The following TFG variants were observed in gnomAD, a reference collection of about 807,000 sequenced individuals.
TFG encodes trafficking from ER to golgi regulator, also known as protein TFG.
Under a neutral mutation model 51.4 loss-of-function variants are expected in TFG, and 22 were observed. The ratio of observed to expected loss-of-function variants is 0.43; its 90% CI spans 0.31 to 0.61. The LOEUF is 0.61. Ranked by LOEUF, TFG falls within the 20% of genes least tolerant of loss-of-function variation. The pLI is 0.12. For synonymous variants in TFG, 187 were observed against 165.6 expected, an observed-to-expected ratio of 1.13 and a Z score of -0.99; for missense variants, 419 against 487.7, an observed-to-expected ratio of 0.86 and a Z score of 1.33.
At chr3:100,733,050 C>T (rs2095096320) in intron 5 of TFG, among the ~76,000 whole-genome samples, 1 of 152,248 alleles carries the variant, frequency 6.6e-6, no homozygotes, top group East Asian at 1.9e-4. Flanking sequence ...CTTATCTCCT[C>T]ATCTTAGAGA....
intron 6 of TFG, 162 bp from the exon 7 acceptor site, chr3:100,744,671 G>C (rs1415849551): frequency 2.0e-6 from 1 of 491,238 alleles, no homozygotes; most frequent in Admixed American, 3.7e-5. Flanking sequence ...TTCTAAAATG[G>C]TTCATTCTCT....
At chr3:100,744,799 T>C in intron 6 of TFG, 34 bp from the exon 7 acceptor site, 1 of 1,473,016 alleles carries the variant, frequency 6.8e-7, no homozygotes, top group Non-Finnish European at 9.5e-7. Flanking sequence ...TAAACATGCC[T>C]TTTTTCCTTG....
intron 5 of TFG, among the ~76,000 whole-genome samples, chr3:100,735,372 T>C (rs1214471668): frequency 6.6e-6 from 1 of 152,180 alleles, no homozygotes; most frequent in East Asian, 1.9e-4. Context: ...TATATGGAAC[T>C]TTCTGAGTAG....
intron 3 of TFG, among the ~76,000 whole-genome samples, chr3:100,726,398 G>C (rs7637272): frequency 0.72 from 102,281 of 142,574 alleles, 34,577 homozygotes; most frequent in South Asian, 0.85. Context: ...AAATGTCAGT[G>C]TCCTCTGGCA....
chr3:100,720,738 A>C (rs1432717969), intron 3 of TFG, among the ~76,000 whole-genome samples: 1 of 152,242 alleles, frequency 6.6e-6, no homozygotes, highest in Non-Finnish European at 1.5e-5. Context: ...TAAAGATTAA[A>C]AATAGTTCTG....
chr3:100,744,995 G>A (rs1302621024), intron 7 of TFG, 64 bp downstream of exon 7: 6 of 960,228 alleles, frequency 6.2e-6, no homozygotes, highest in African/African-American at 3.3e-5. Context: ...TAAACTTTAA[G>A]TTCTTAATTC....
intron 2 of TFG, among the ~76,000 whole-genome samples, chr3:100,718,411 A>G (rs578110879): frequency 2.0e-5 from 3 of 152,184 alleles, no homozygotes; most frequent in Admixed American, 6.5e-5. Context: ...TTTTTTTACA[A>G]TGTAAAAACC....
In TFG at chr3:100,713,660, A is replaced by G. The variant is rs1468923127; in HGVS notation, c.-26A>G. 2.6e-6 allele frequency: 4 copies of G among 1,524,740 alleles called. No homozygotes were observed. The highest frequency in any genetic ancestry group is 2.8e-5 in the African/African-American group (2 of 72,474). The allele number at this position is 1,524,740 out of a possible 1,614,324, so 94.5% of individuals were successfully genotyped here. A position where few individuals can be genotyped will look rare whatever the true frequency, so the allele number is the denominator to read the frequency against. On this transcript the variant is annotated 5_prime_UTR_variant, in exon 2 of 8. Coordinates refer to ENST00000240851, the MANE Select transcript of TFG (RefSeq NM_006070.6). ...TTTATCAGTCTTTCTCTAGAGTTGT[A>G]TATATAGAACATCCTGGAGTCCACC...
chr3:100,748,640 A>G lies in TFG; in HGVS notation c.*109A>G. Reference sequence around the variant, plus strand: ...AAGTTCAGAAATTTAAAAGCAGAGCATTTTTTATGATATCATTGTTGGTGT... The same window carrying G: ...AAGTTCAGAAATTTAAAAGCAGAGCGTTTTTTATGATATCATTGTTGGTGT... On this transcript the variant is annotated 3_prime_UTR_variant, in exon 8 of 8. Coordinates refer to ENST00000240851, the MANE Select transcript of TFG (RefSeq NM_006070.6). 8.5e-7 allele frequency: 1 copy of G among 1,181,400 alleles called. No individual in the cohort carries two copies. Among genetic ancestry groups the G allele is most frequent in the Non-Finnish European group, 1.2e-6 (1 of 867,608 alleles). 73.2% of individuals were successfully genotyped at this position (1,181,400 alleles called of 1,614,324 possible). A position where few individuals can be genotyped will look rare whatever the true frequency, so the allele number is the denominator to read the frequency against.
intron 6 of TFG, chr3:100,742,486 C>T (rs1034784949): frequency 6.6e-6 from 1 of 152,192 alleles, no homozygotes; most frequent in Non-Finnish European, 1.5e-5. Context: ...AAATCTATCC[C>T]ATCAGCTCAG....
chr3:100,726,115 G>T (rs2095075050), intron 3 of TFG, among the ~76,000 whole-genome samples: 1 of 152,140 alleles, frequency 6.6e-6, no homozygotes, highest in African/African-American at 2.4e-5. Flanking sequence ...AGCTGATAGT[G>T]CAGCCTTTGT....
rs538586137 is a variant in TFG at position 100,748,784 on chromosome 3, A to G, written c.*253A>G. 6 of 394,308 alleles carry G rather than the reference A, an allele frequency of 1.5e-5. No individual in the cohort carries two copies. Among genetic ancestry groups the G allele is most frequent in the African/African-American group, 4.1e-5 (2 of 49,238 alleles). The allele number at this position is 394,308 out of a possible 1,614,324, so 24.4% of individuals were successfully genotyped here. On this transcript the variant is annotated 3_prime_UTR_variant, in exon 8 of 8. Transcript: ENST00000240851. ...ACACTACTCTTACATGTATAAAGTG[A>G]TTGACTTGACTTTCTAGCTTCCCTT...
chr3:100,720,362 T>C (rs373148333), intron 3 of TFG, among the ~76,000 whole-genome samples: 2 of 152,238 alleles, frequency 1.3e-5, no homozygotes, highest in Non-Finnish European at 2.9e-5. Context: ...AATTTTTAAA[T>C]TGTAATTATC....
chr3:100,743,501 T>A (rs2095127015), intron 6 of TFG: 7 of 152,232 alleles, frequency 4.6e-5, no homozygotes, highest in Admixed American at 4.6e-4. Context: ...TAAGAAAGCA[T>A]TTAAGAAACT....
chr3:100,736,742 T>C (rs930575411), intron 6 of TFG, 26 bp downstream of exon 6: 8 of 1,607,298 alleles, frequency 5.0e-6, no homozygotes, highest in East Asian at 2.3e-5. Flanking sequence ...GAACACATGT[T>C]TGGGAAAGTA....
At chr3:100,727,562 A>G (rs894932138) in intron 3 of TFG, among the ~76,000 whole-genome samples, 60 of 152,240 alleles carry the variant, frequency 3.9e-4, no homozygotes, top group African/African-American at 1.4e-3. Flanking sequence ...GGGGTTTGCA[A>G]TCAGAGCCTT....
Position 100,732,653 on chromosome 3 carries a change from A to G in TFG, c.561A>G (p.Leu187=), listed in dbSNP as rs1398471818. Reference sequence around the variant, plus strand: ...AAAATGTTATGTCAGCGTTTGGCTTAACAGATGATCAGGTTTCAGGTAAGT... The same window carrying G: ...AAAATGTTATGTCAGCGTTTGGCTTGACAGATGATCAGGTTTCAGGTAAGT... ...INKNVMSAFG[L]TDDQVSGPPS... The change falls in exon 5 of 8, where the codon TTA becomes TTG. Residue 187 remains leucine, a synonymous_variant. Coordinates refer to ENST00000240851, the MANE Select transcript of TFG (RefSeq NM_006070.6). 1.2e-6 allele frequency: 2 copies of G among 1,610,356 alleles called. No homozygotes were observed. The highest frequency in any genetic ancestry group is 2.2e-5 in the South Asian group (2 of 90,432).
At chr3:100,738,322 T>G (rs1270729723) in intron 6 of TFG, among the ~76,000 whole-genome samples, 1 of 152,188 alleles carries the variant, frequency 6.6e-6, no homozygotes, top group Non-Finnish European at 1.5e-5. Flanking sequence ...ATAGGTATGA[T>G]GAGAGTTTAA....
At chr3:100,716,103 TATATA>T (rs757115704) in intron 2 of TFG, among the ~76,000 whole-genome samples, 3 of 152,176 alleles carry the variant, frequency 2.0e-5, no homozygotes, top group African/African-American at 4.8e-5. Context: ...TATTTGAAAT[TATATA>T]ATATGTTATT....
Sources: gnomAD v4.1 joint callset for allele counts (sites outside exome capture counted in the v4.1 genomes callset) on GRCh38, gnomAD v4.1.1 for gene constraint, MANE v1.5 for transcripts, NCBI Gene and HGNC (gene_info 2026-07-23, HGNC 2026-07-21) for gene names.